CAST: variants seen among roughly 807,000 people sequenced by gnomAD.
CAST encodes the protein calpastatin.
CAST carries 76 observed loss-of-function variants against 119.6 expected under a neutral mutation model. The ratio of observed to expected loss-of-function variants is 0.64; its 90% CI spans 0.53 to 0.77. CAST has a LOEUF of 0.77. Among genes scored for constraint, CAST ranks in the 30% least tolerant of loss-of-function variants. The pLI is 0.00. For synonymous variants in CAST, 319 were observed against 331.6 expected (o/e 0.96, Z 0.41); for missense variants, 953 against 946.5 (o/e 1.01, Z -0.09).
chr5:96,761,487 G>A (rs577295640), intron 24 of CAST: 1 of 152,140 alleles, frequency 6.6e-6, no homozygotes, highest in Non-Finnish European at 1.5e-5. Context: ...ATTTCTGAAT[G>A]TTGGTATCTT....
chr5:96,740,146 T>A (rs200328348), intron 12 of CAST, 28 bp downstream of exon 12: 1 of 977,084 alleles, frequency 1.0e-6, no homozygotes, highest in Non-Finnish European at 1.6e-6. Flanking sequence ...TTACTTTTAT[T>A]TCACTGTTTC....
chr5:96,463,488 T>C, the CAST span, among the ~76,000 whole-genome samples: 1 of 152,096 alleles, frequency 6.6e-6, no homozygotes, highest in Non-Finnish European at 1.5e-5. Context: ...TTTCCAACTA[T>C]GCTCTGCAAC....
At chr5:96,659,175 A>T (rs144085905), upstream of CAST, among the ~76,000 whole-genome samples, 19 of 152,368 alleles carry the variant, frequency 1.2e-4, no homozygotes, top group East Asian at 3.7e-3. Flanking sequence ...CATATCACGT[A>T]ACAGATATAA....
At chr5:96,548,802 A>C (rs1488394818) in intron 1 of CAST, among the ~76,000 whole-genome samples, 1 of 152,190 alleles carries the variant, frequency 6.6e-6, no homozygotes, top group Non-Finnish European at 1.5e-5. Context: ...AAATATTTCC[A>C]GTTAAATTTG....
the CAST span, among the ~76,000 whole-genome samples, chr5:96,001,680 G>A: frequency 2.6e-4 from 39 of 152,302 alleles, 1 homozygote; most frequent in South Asian, 7.7e-3. Context: ...AACCTACAGT[G>A]TAAGATATTT....
the CAST span, among the ~76,000 whole-genome samples, chr5:96,469,583 T>G: frequency 6.6e-6 from 1 of 151,936 alleles, no homozygotes; most frequent in African/African-American, 2.4e-5. Context: ...AATTACAAAC[T>G]GACATGAGAA....
chr5:96,207,872 T>C, the CAST span, among the ~76,000 whole-genome samples: 6 of 152,212 alleles, frequency 3.9e-5, no homozygotes, highest in East Asian at 9.7e-4. Flanking sequence ...GTAGAAATGG[T>C]ACCAGCTCTT....
At chr5:96,535,798 C>T (rs573302836) in intron 1 of CAST, among the ~76,000 whole-genome samples, 2 of 150,860 alleles carry the variant, frequency 1.3e-5, no homozygotes, top group East Asian at 2.0e-4. Flanking sequence ...TGGTCTCGAT[C>T]TCCTGACCTC....
chr5:96,215,508 T>C, the CAST span: 1 of 152,136 alleles, frequency 6.6e-6, no homozygotes, highest in Non-Finnish European at 1.5e-5. Flanking sequence ...ATTTAATCTG[T>C]TGGTGTATAT....
chr5:96,584,021 A>T (rs1719827449), intron 1 of CAST, among the ~76,000 whole-genome samples: 1 of 152,024 alleles, frequency 6.6e-6, no homozygotes, highest in Non-Finnish European at 1.5e-5. Flanking sequence ...TATTCTCTTC[A>T]TTATTTTTGA....
chr5:96,450,278 T>TATG, the CAST span, among the ~76,000 whole-genome samples: 1 of 152,190 alleles, frequency 6.6e-6, no homozygotes, highest in African/African-American at 2.4e-5. Context: ...AAAATAAAAT[T>TATG]ATGTCTTTTG....
chr5:96,444,981 A>G, the CAST span, among the ~76,000 whole-genome samples: 3 of 152,198 alleles, frequency 2.0e-5, no homozygotes, highest in African/African-American at 7.2e-5. Context: ...AGAAGAGTTG[A>G]GAAAACCTCA....
chr5:96,617,529 C>A (rs1345799691), intron 1 of CAST, among the ~76,000 whole-genome samples: 1 of 151,946 alleles, frequency 6.6e-6, no homozygotes, highest in East Asian at 1.9e-4. Context: ...GTGGCTCATG[C>A]CTGTAATCCC....
At chr5:96,367,596 G>A in the CAST span, among the ~76,000 whole-genome samples, 1 of 152,090 alleles carries the variant, frequency 6.6e-6, no homozygotes, top group South Asian at 2.1e-4. Context: ...AATGAGCTAG[G>A]CTCTGTGGGT....
chr5:96,510,719 A>G, the CAST span, among the ~76,000 whole-genome samples: 1 of 152,254 alleles, frequency 6.6e-6, no homozygotes, highest in African/African-American at 2.4e-5. Flanking sequence ...TTAAGATGTG[A>G]TAACAGCACT....
the CAST span, among the ~76,000 whole-genome samples, chr5:96,134,464 G>A: frequency 6.6e-6 from 1 of 152,214 alleles, no homozygotes; most frequent in African/African-American, 2.4e-5. Flanking sequence ...AGCCCAATCT[G>A]TGCCTCTACT....
rs140953704 is a variant in CAST at position 96,587,317 on chromosome 5, A to G, written c.60+57437A>G. Among the ~76,000 whole-genome samples the G allele has an allele frequency of 4.6e-3, 703 of 152,322 alleles. 6 individuals are homozygous for G. The highest frequency in any genetic ancestry group is 9.1e-3 in the Admixed American group (139 of 15,304). Reference sequence around the variant, plus strand: ...TAGAGTTTGCAAATCCTACACACCAATAGAATAATGCACTCCAACATTCAA... The same window carrying G: ...TAGAGTTTGCAAATCCTACACACCAGTAGAATAATGCACTCCAACATTCAA... On this transcript the variant is annotated intron_variant, in intron 1 of 11. Coordinates refer to the CAST transcript ENST00000505143.
chr5:96,202,381 T>C, the CAST span, among the ~76,000 whole-genome samples: 1 of 152,076 alleles, frequency 6.6e-6, no homozygotes, highest in Non-Finnish European at 1.5e-5. Flanking sequence ...CCAGTGACAT[T>C]ATGATTCAGA....
chr5:96,042,055 A>G, the CAST span, among the ~76,000 whole-genome samples: 1 of 152,174 alleles, frequency 6.6e-6, no homozygotes, highest in Non-Finnish European at 1.5e-5. Flanking sequence ...ACTTGAGTAT[A>G]CAAGAGGTGG....
Sources: allele counts gnomAD v4.1 joint callset (sites outside exome capture counted in the v4.1 genomes callset), GRCh38; gene constraint gnomAD v4.1.1; transcripts MANE v1.5; gene names NCBI Gene and HGNC (gene_info 2026-07-23, HGNC 2026-07-21).